Variants in AKAP10 observed in about 807,000 individuals in gnomAD.
AKAP10 encodes A-kinase anchor protein 10, mitochondrial.
A neutral mutation model predicts 80.8 loss-of-function variants in AKAP10; 24 were observed. The observed-to-expected ratio is 0.30, with a 90% CI of 0.22 to 0.42. The LOEUF is 0.42. AKAP10 is among the 10% of genes least tolerant of loss of function. AKAP10 has a pLI of 1.00. For missense variants in AKAP10, 661 were observed against 794.9 expected (o/e 0.83, Z 2.03); for synonymous variants, 291 against 277.7 (o/e 1.05, Z -0.48).
intron 1 of AKAP10, among the ~76,000 whole-genome samples, chr17:19,972,011 CAGG>C (rs1017018774): frequency 1.6e-4 from 24 of 152,160 alleles, no homozygotes; most frequent in Admixed American, 1.3e-4. Context: ...GAGGCTGAGG[CAGG>C]AGAATTGCTT....
chr17:19,912,921 G>A (rs2042705743), intron 12 of AKAP10, among the ~76,000 whole-genome samples: 1 of 151,896 alleles, frequency 6.6e-6, no homozygotes, highest in African/African-American at 2.4e-5. Flanking sequence ...CTACTAACCT[G>A]CTGTGTGATT....
At chr17:19,975,785 G>A (rs940461354) in intron 1 of AKAP10, among the ~76,000 whole-genome samples, 1 of 152,036 alleles carries the variant, frequency 6.6e-6, no homozygotes, top group Non-Finnish European at 1.5e-5. Context: ...CACTCAAAAG[G>A]TATTTGTTGA....
Position 19,958,539 on chromosome 17 carries a change from T to C in AKAP10, c.352A>G (p.Thr118Ala). The C allele has an allele frequency of 6.2e-7, 1 of 1,606,460 alleles. No individual in the cohort carries two copies. The highest frequency in any genetic ancestry group is 1.3e-5 in the African/African-American group (1 of 75,014). ...AGGGTCTTAGAAAGGCTTGATTTGG[T>C]CTCTTGAGTCTGGTAGTCCAGACAA... Reference protein sequence around the residue: ...RSCLDYQTQETKSSLSKTLEQ... With the variant: ...RSCLDYQTQEAKSSLSKTLEQ... Residue 118 changes from threonine to alanine, a missense_variant, in exon 4 of 15, where the codon ACC (threonine) becomes GCC (alanine). Coordinates refer to ENST00000225737, the MANE Select transcript of AKAP10 (RefSeq NM_007202.4).
chr17:19,915,783 T>C lies in AKAP10; in HGVS notation c.1834+4253A>G, dbSNP rs79939488. 2.6e-3 allele frequency among the ~76,000 whole-genome samples: 403 copies of C among 152,318 alleles called. 14 individuals are homozygous for C. The East Asian group carries it at 0.074, about 28-fold the overall frequency. Reference sequence around the variant, plus strand: ...CACCACCATCATCCCTTACTTAGACTATGACTATGGCAAGAATGTTGTTTC... The same window carrying C: ...CACCACCATCATCCCTTACTTAGACCATGACTATGGCAAGAATGTTGTTTC... On this transcript the variant is annotated intron_variant, in intron 12 of 14. Coordinates refer to ENST00000225737, the MANE Select transcript of AKAP10 (RefSeq NM_007202.4).
chr17:19,933,674 C>T (rs929364030), intron 9 of AKAP10, among the ~76,000 whole-genome samples: 2 of 152,108 alleles, frequency 1.3e-5, no homozygotes, highest in South Asian at 4.2e-4. Context: ...TAACAGCTGA[C>T]ACTCTATTCT....
At chr17:19,936,505 G>T in intron 8 of AKAP10, 75 bp from the exon 9 acceptor site, 3 of 1,408,888 alleles carry the variant, frequency 2.1e-6, no homozygotes, top group East Asian at 2.4e-5. Flanking sequence ...CTCCTCCAGA[G>T]AATCTTATAC....
At chr17:19,933,983 G>A (rs534290349) in intron 9 of AKAP10, among the ~76,000 whole-genome samples, 2 of 152,008 alleles carry the variant, frequency 1.3e-5, no homozygotes, top group Admixed American at 6.5e-5. Context: ...GTGCAATGGT[G>A]CGATCTCAGC....
intron 1 of AKAP10, among the ~76,000 whole-genome samples, chr17:19,975,165 C>A (rs2043549172): frequency 1.3e-5 from 2 of 152,092 alleles, no homozygotes; most frequent in East Asian, 3.9e-4. Context: ...TAGCTGGGAC[C>A]ACAGGTGTGC....
intron 10 of AKAP10, among the ~76,000 whole-genome samples, chr17:19,925,581 T>C (rs2042867470): frequency 6.6e-6 from 1 of 152,174 alleles, no homozygotes; most frequent in Non-Finnish European, 1.5e-5. Context: ...GAAAATGACT[T>C]ATATACAAGA....
At chr17:19,932,683 T>G (rs1417952920) in intron 9 of AKAP10, among the ~76,000 whole-genome samples, 8 of 152,100 alleles carry the variant, frequency 5.3e-5, no homozygotes, top group Non-Finnish European at 1.5e-5. Flanking sequence ...TCACCAGGCG[T>G]GTGATTGCTG....
chr17:19,914,735 C>G (rs1176191081), intron 12 of AKAP10, among the ~76,000 whole-genome samples: 1 of 151,476 alleles, frequency 6.6e-6, no homozygotes. Flanking sequence ...AGGTCCCTCT[C>G]TGAAGAGATA....
chr17:19,918,349 A>G (rs1301095979), intron 12 of AKAP10, among the ~76,000 whole-genome samples: 1 of 152,158 alleles, frequency 6.6e-6, no homozygotes, highest in Admixed American at 6.5e-5. Flanking sequence ...AGACCAGACC[A>G]GCCTGGCCAA....
Position 19,946,219 on chromosome 17 carries a change from AT to A in AKAP10, c.976+1187del, listed in dbSNP as rs1555576578. 6.7e-3 allele frequency among the ~76,000 whole-genome samples: 178 copies of A among 26,664 alleles called. 2 individuals are homozygous for A. Among genetic ancestry groups the A allele is most frequent in the Non-Finnish European group, 9.7e-3 (138 of 14,282 alleles). 17.5% of individuals were successfully genotyped at this position (26,664 alleles called of 152,430 possible). The stretch of plus-strand genomic sequence containing the variant: ...ATACATATATTTTATATATATATAT[AT>A]TTTATATATATATATATTATATATA... On this transcript the variant is annotated intron_variant, in intron 5 of 14. Coordinates refer to ENST00000225737, the MANE Select transcript of AKAP10 (RefSeq NM_007202.4).
In AKAP10 at chr17:19,951,030, G is replaced by C. The variant is rs1290633192; in HGVS notation, c.878-3525C>G. Among the ~76,000 whole-genome samples the C allele has an allele frequency of 8.6e-5, 13 of 151,672 alleles. No individual in the cohort carries two copies. The East Asian group carries it at 2.4e-3, about 28-fold the overall frequency. On this transcript the variant is annotated intron_variant, in intron 4 of 14. Coordinates refer to ENST00000225737, the MANE Select transcript of AKAP10 (RefSeq NM_007202.4). ...CATCTGGGAGGTGAGGAGCGTCTCT[G>C]CCCGGCCGCCCCGTCTGAGAAGTGA...
Position 19,909,909 on chromosome 17 carries a change from C to T in AKAP10, c.1887+17G>A. 1 of 1,611,302 alleles carries T rather than the reference C, an allele frequency of 6.2e-7. No homozygotes were observed. The highest frequency in any genetic ancestry group is 8.5e-7 in the Non-Finnish European group (1 of 1,178,688). ...ACTTATAAACAGAAATCTTTTTATC[C>T]TAAAGGTAGGATTTACCTCATCAGT... On this transcript the variant is annotated intron_variant, in intron 13 of 14. Coordinates refer to ENST00000225737, the MANE Select transcript of AKAP10 (RefSeq NM_007202.4).
At chr17:19,962,244 T>C (rs1597526223) in intron 3 of AKAP10, among the ~76,000 whole-genome samples, 1 of 152,062 alleles carries the variant, frequency 6.6e-6, no homozygotes, top group African/African-American at 2.4e-5. Context: ...CAAACAATAC[T>C]ATAATGAATA....
intron 2 of AKAP10, among the ~76,000 whole-genome samples, chr17:19,964,845 C>T (rs997954160): frequency 6.6e-6 from 1 of 152,140 alleles, no homozygotes; most frequent in African/African-American, 2.4e-5. Context: ...GTGAGCTGCG[C>T]GATCTCGCCA....
In AKAP10 at chr17:19,977,555, G is replaced by T. The variant is rs1371746313; in HGVS notation, c.88+37C>A. ...CACCTGCCCCACCGCCGCCCCTGAG[G>T]CCCGGCCTGACTCCCCGCCGGCGCC... On this transcript the variant is annotated intron_variant, in intron 1 of 14. Transcript: ENST00000225737. The T allele has an allele frequency of 4.9e-6, 6 of 1,227,124 alleles. No individual in the cohort carries two copies. In the Admixed American group the frequency reaches 2.1e-4, roughly 43 times the overall value. 76.0% of individuals were successfully genotyped at this position (1,227,124 alleles called of 1,614,324 possible).
intron 12 of AKAP10, among the ~76,000 whole-genome samples, chr17:19,913,461 G>C (rs1401526208): frequency 6.6e-6 from 1 of 152,010 alleles, no homozygotes; most frequent in Non-Finnish European, 1.5e-5. Context: ...CCTAATTGTT[G>C]TATTTTTAAT....
Sources: allele counts gnomAD v4.1 joint callset (sites outside exome capture counted in the v4.1 genomes callset), GRCh38; gene constraint gnomAD v4.1.1; transcripts MANE v1.5; gene names NCBI Gene and HGNC (gene_info 2026-07-23, HGNC 2026-07-21).